SAMMSON: variants seen among roughly 807,000 people sequenced by gnomAD.
SAMMSON encodes survival associated mitochondrial melanoma specific oncogenic non-coding RNA.
At chr3:70,113,718 T>A (rs1405236759) in intron 4 of SAMMSON, among the ~76,000 whole-genome samples, 1 of 152,154 alleles carries the variant, frequency 6.6e-6, no homozygotes, top group Non-Finnish European at 1.5e-5. Flanking sequence ...CCCAAACTCA[T>A]GTAGTGAGGC....
intron 9 of SAMMSON, among the ~76,000 whole-genome samples, chr3:70,378,215 T>A (rs1703037409): frequency 6.6e-6 from 1 of 151,844 alleles, no homozygotes; most frequent in African/African-American, 2.4e-5. Flanking sequence ...TGAATGCTAA[T>A]AAATAGGAAT....
chr3:70,278,303 A>C (rs1170771266), intron 6 of SAMMSON, among the ~76,000 whole-genome samples: 1 of 152,230 alleles, frequency 6.6e-6, no homozygotes, highest in Non-Finnish European at 1.5e-5. Flanking sequence ...ACAGGACTAC[A>C]TATGTGTATG....
At chr3:70,157,789 G>A (rs2106691095) in intron 4 of SAMMSON, among the ~76,000 whole-genome samples, 1 of 152,122 alleles carries the variant, frequency 6.6e-6, no homozygotes, top group East Asian at 1.9e-4. Context: ...TAACGATCTT[G>A]CAAGGAAATG....
intron 4 of SAMMSON, among the ~76,000 whole-genome samples, chr3:70,153,433 A>G (rs2106688510): frequency 6.6e-6 from 1 of 152,072 alleles, no homozygotes; most frequent in South Asian, 2.1e-4. Context: ...GCTCACTGCA[A>G]CGGATACCAC....
intron 8 of SAMMSON, among the ~76,000 whole-genome samples, chr3:70,357,895 A>G (rs1702841521): frequency 6.6e-6 from 1 of 152,104 alleles, no homozygotes; most frequent in Non-Finnish European, 1.5e-5. Flanking sequence ...TGCCTAGAAA[A>G]CTGAGTATAA....
chr3:70,321,430 C>G (rs1702537993), intron 7 of SAMMSON, among the ~76,000 whole-genome samples: 1 of 152,068 alleles, frequency 6.6e-6, no homozygotes, highest in Non-Finnish European at 1.5e-5. Flanking sequence ...TCAATATTCA[C>G]TTATTTTTAT....
At chr3:70,176,815 T>A (rs1701013177) in intron 4 of SAMMSON, among the ~76,000 whole-genome samples, 1 of 152,148 alleles carries the variant, frequency 6.6e-6, no homozygotes, top group South Asian at 2.1e-4. Context: ...TATAAAAAGA[T>A]GATCATTTTT....
intron 4 of SAMMSON, among the ~76,000 whole-genome samples, chr3:70,246,046 CAGAT>C (rs555405610): frequency 3.3e-5 from 5 of 151,552 alleles, no homozygotes; most frequent in African/African-American, 9.7e-5. Context: ...TGTAGATAGA[CAGAT>C]AGAGAGTTCT....
chr3:70,355,496 A>G (rs1361323868), intron 8 of SAMMSON, among the ~76,000 whole-genome samples: 1 of 152,154 alleles, frequency 6.6e-6, no homozygotes, highest in Non-Finnish European at 1.5e-5. Flanking sequence ...ATCAAAAGAG[A>G]GCTCTGGAGA....
chr3:70,312,225 C>A (rs1176789262), intron 7 of SAMMSON, among the ~76,000 whole-genome samples: 1 of 152,138 alleles, frequency 6.6e-6, no homozygotes, highest in Non-Finnish European at 1.5e-5. Flanking sequence ...CTTACAATTT[C>A]TCAATGTGAA....
At chr3:70,240,885 T>A (rs182997849) in intron 4 of SAMMSON, among the ~76,000 whole-genome samples, 172 of 152,312 alleles carry the variant, frequency 1.1e-3, no homozygotes, top group Middle Eastern at 3.4e-3. Flanking sequence ...ATTAGGGTAC[T>A]TGATAAGCAG....
chr3:70,388,775 A>G (rs1404509725), intron 9 of SAMMSON, among the ~76,000 whole-genome samples: 1 of 152,148 alleles, frequency 6.6e-6, no homozygotes. Context: ...TAGCAGAGAT[A>G]TCAGTGCTAA....
chr3:70,150,665 C>T (rs1006898546), intron 4 of SAMMSON, among the ~76,000 whole-genome samples: 1 of 151,964 alleles, frequency 6.6e-6, no homozygotes, highest in Non-Finnish European at 1.5e-5. Flanking sequence ...GATGTAATCG[C>T]ATGCAGAATA....
chr3:70,390,160 A>G (rs533517407), downstream of SAMMSON, among the ~76,000 whole-genome samples: 1 of 152,286 alleles, frequency 6.6e-6, no homozygotes, highest in African/African-American at 2.4e-5. Flanking sequence ...CTTGGCAAAA[A>G]TTATCTTCCT....
chr3:70,009,777 G>C (rs911064056), intron 1 of SAMMSON, among the ~76,000 whole-genome samples: 1 of 150,546 alleles, frequency 6.6e-6, no homozygotes, highest in Non-Finnish European at 1.5e-5. Flanking sequence ...TGGGCATTTA[G>C]TGCTATAAAT....
chr3:70,006,457 G>C (rs1352644011), intron 1 of SAMMSON, among the ~76,000 whole-genome samples: 2 of 152,144 alleles, frequency 1.3e-5, no homozygotes, highest in Non-Finnish European at 2.9e-5. Flanking sequence ...CAAAGACTCA[G>C]AGATGAAGTA....
intron 4 of SAMMSON, among the ~76,000 whole-genome samples, chr3:70,224,139 A>G (rs751464243): frequency 6.6e-6 from 1 of 152,156 alleles, no homozygotes; most frequent in Non-Finnish European, 1.5e-5. Context: ...GCAGAGGGAA[A>G]ATAATTGAAT....
intron 2 of SAMMSON, among the ~76,000 whole-genome samples, chr3:70,431,740 C>G (rs9826987): frequency 0.022 from 3,310 of 152,024 alleles, 123 homozygotes; most frequent in African/African-American, 0.075. Flanking sequence ...GTCCTCATGA[C>G]CTTTTCCATC....
In SAMMSON at chr3:70,055,919, GAGATATTTATGA is replaced by G. The variant is rs574848595; in HGVS notation, n.418-15554_418-15543del. Among the ~76,000 whole-genome samples the G allele has an allele frequency of 1.1e-3, 174 of 152,048 alleles. 1 individual carries two copies. Among genetic ancestry groups the G allele is most frequent in the African/African-American group, 4.0e-3 (167 of 41,514 alleles). ...TCATAAATAGCCTTTCATTTACTCA[GAGATATTTATGA>G]AGCCCCTTACTTCTTCCCACTCCTT... On this transcript the variant is annotated intron_variant and non_coding_transcript_variant, in intron 3 of 9. Coordinates refer to ENST00000642114, the Ensembl canonical transcript of SAMMSON.
Sources: gnomAD v4.1 joint callset for allele counts (sites outside exome capture counted in the v4.1 genomes callset) on GRCh38, gnomAD v4.1.1 for gene constraint, MANE v1.5 for transcripts, NCBI Gene and HGNC (gene_info 2026-07-23, HGNC 2026-07-21) for gene names.